SNX10: variants seen among roughly 807,000 people sequenced by gnomAD.
SNX10 encodes the protein sorting nexin-10.
Under a neutral mutation model 28.5 loss-of-function variants are expected in SNX10, and 25 were observed. That is an observed-to-expected ratio of 0.88 (90% confidence interval 0.64 to 1.22). SNX10 has a LOEUF of 1.22. Ranked by LOEUF, SNX10 falls within the 50% of genes most tolerant of loss-of-function variation. The pLI, the probability that SNX10 is intolerant of heterozygous loss-of-function variation, is 0.00. For missense variants in SNX10, 223 were observed against 242.6 expected, an observed-to-expected ratio of 0.92 and a Z score of 0.54; for synonymous variants, 62 against 81.4, an observed-to-expected ratio of 0.76 and a Z score of 1.28.
intron 2 of SNX10, chr7:26,360,376 C>T (rs1789019153): frequency 6.5e-6 from 1 of 152,804 alleles, no homozygotes; most frequent in African/African-American, 2.4e-5. Flanking sequence ...CCTCAGCCTC[C>T]TGAGTAGCTG....
intron 5 of SNX10, chr7:26,370,652 T>TGGTATTATAA (rs1789485239): frequency 1.3e-5 from 2 of 152,216 alleles, no homozygotes; most frequent in Non-Finnish European, 2.9e-5. Context: ...ACCTTGGATT[T>TGGTATTATAA]TCACTAAATT....
intron 1 of SNX10, among the ~76,000 whole-genome samples, chr7:26,311,636 A>G (rs1786856643): frequency 6.6e-6 from 1 of 152,100 alleles, no homozygotes; most frequent in African/African-American, 2.4e-5. Flanking sequence ...ATCTGGGAAC[A>G]TTTACATCTC....
chr7:26,348,287 A>G (rs1282469863), intron 2 of SNX10, among the ~76,000 whole-genome samples: 1 of 152,080 alleles, frequency 6.6e-6, no homozygotes, highest in Non-Finnish European at 1.5e-5. Context: ...TCCGGGAAAT[A>G]CCCGCCCATG....
chr7:26,305,504 T>C (rs1232102047), intron 1 of SNX10, among the ~76,000 whole-genome samples: 4 of 152,200 alleles, frequency 2.6e-5, no homozygotes, highest in Non-Finnish European at 4.4e-5. Context: ...GGTCACTGTC[T>C]GGATTAGGGG....
intron 1 of SNX10, among the ~76,000 whole-genome samples, chr7:26,344,316 C>T (rs1369939738): frequency 4.6e-5 from 7 of 151,954 alleles, no homozygotes; most frequent in Admixed American, 2.6e-4. Flanking sequence ...AGACCACGGG[C>T]GTGCCATGAC....
intron 1 of SNX10, among the ~76,000 whole-genome samples, chr7:26,299,968 T>C (rs1315370184): frequency 6.6e-6 from 1 of 151,934 alleles, no homozygotes; most frequent in Non-Finnish European, 1.5e-5. Flanking sequence ...CCCAGCACTT[T>C]GGGAGGCCGA....
chr7:26,297,060 A>C (rs1786138192), intron 1 of SNX10, among the ~76,000 whole-genome samples: 1 of 151,470 alleles, frequency 6.6e-6, no homozygotes, highest in African/African-American at 2.4e-5. Context: ...AAAATTATAA[A>C]TATTAAAATA....
intron 1 of SNX10, among the ~76,000 whole-genome samples, chr7:26,322,992 A>C (rs1787365309): frequency 6.6e-6 from 1 of 152,206 alleles, no homozygotes; most frequent in South Asian, 2.1e-4. Context: ...TCATGACTGT[A>C]ATCTCAGCAC....
intron 1 of SNX10, among the ~76,000 whole-genome samples, chr7:26,329,403 A>G (rs1177021879): frequency 6.6e-6 from 1 of 152,082 alleles, no homozygotes; most frequent in African/African-American, 2.4e-5. Context: ...GCCTTCCCTG[A>G]CCACCCACAT....
Position 26,351,646 on chromosome 7 carries a change from G to GTTTTTTTTTTTT in SNX10, c.24+5181_24+5192dup, listed in dbSNP as rs982361856. 8.6e-4 allele frequency among the ~76,000 whole-genome samples: 97 copies of GTTTTTTTTTTTT among 112,596 alleles called. 7 individuals carry two copies. The highest frequency in any genetic ancestry group is 2.0e-3 in the African/African-American group (63 of 30,788). 73.9% of individuals were successfully genotyped at this position (112,596 alleles called of 152,430 possible). A position where few individuals can be genotyped will look rare whatever the true frequency, so the allele number is the denominator to read the frequency against. ...AAAACTAAAGCAATCAAGCAGTCTG[G>GTTTTTTTTTTTT]TTTTTTTTTTTTGTTTTTTTTTTTT... is the stretch of plus-strand genomic sequence containing the variant. On this transcript the variant is annotated intron_variant, in intron 2 of 6. Transcript: ENST00000338523.
rs115642125 is a variant in SNX10, at chr7:26,338,945, A to C, written c.-23-7475A>C. Among the ~76,000 whole-genome samples, 933 of 152,320 alleles carry C rather than the reference A, an allele frequency of 6.1e-3. 10 individuals are homozygous for C. Among genetic ancestry groups the C allele is most frequent in the African/African-American group, 0.021 (874 of 41,566 alleles). ...TAAAGCATGGATCTTAGGTTTTGCA[A>C]TAACGATGTTATCCCCAGGAGCAAT... On this transcript the variant is annotated intron_variant, in intron 1 of 6. Transcript: ENST00000338523.
intron 6 of SNX10, 40 bp downstream of exon 6, chr7:26,372,073 A>G (rs770426725): frequency 2.3e-6 from 3 of 1,292,136 alleles, no homozygotes; most frequent in Non-Finnish European, 3.3e-6. Context: ...ATGTATTTAT[A>G]TAATACATAG....
intron 1 of SNX10, among the ~76,000 whole-genome samples, chr7:26,297,190 G>A (rs1296264829): frequency 6.6e-6 from 1 of 152,200 alleles, no homozygotes; most frequent in East Asian, 1.9e-4. Flanking sequence ...TCTGCCTCCT[G>A]GGTTCAATAA....
chr7:26,327,726 CTTTTTTTT>C (rs70943293), intron 1 of SNX10, among the ~76,000 whole-genome samples: 41 of 89,106 alleles, frequency 4.6e-4, no homozygotes, highest in African/African-American at 1.8e-3. Flanking sequence ...GCATTCTTTT[CTTTTTTTT>C]TTTTTTTTTT....
chr7:26,314,197 C>T (rs1786968847), intron 1 of SNX10, among the ~76,000 whole-genome samples: 1 of 151,972 alleles, frequency 6.6e-6, no homozygotes, highest in Non-Finnish European at 1.5e-5. Context: ...ACTGAAATGG[C>T]TTGTCTGTCA....
chr7:26,292,367 G>A (rs1440302537), intron 1 of SNX10, among the ~76,000 whole-genome samples: 1 of 152,174 alleles, frequency 6.6e-6, no homozygotes, highest in Non-Finnish European at 1.5e-5. Flanking sequence ...GGGAGAGGGT[G>A]GGGCAGAGGT....
intron 2 of SNX10, among the ~76,000 whole-genome samples, chr7:26,351,321 A>G (rs984542434): frequency 3.3e-5 from 5 of 152,214 alleles, no homozygotes; most frequent in Non-Finnish European, 7.3e-5. Context: ...GTTAACACCC[A>G]CAGTGATGTT....
chr7:26,372,450 A>G (rs193192616), intron 6 of SNX10, 41 bp from the exon 7 acceptor site: 555 of 1,311,908 alleles, frequency 4.2e-4, no homozygotes, highest in Admixed American at 1.1e-3. Flanking sequence ...GTGAAAACCA[A>G]TTTCCTCTTT....
rs1789629758 is a variant in SNX10 at position 26,372,952 on chromosome 7, T to C, written c.*380T>C. The C allele has an allele frequency of 5.1e-6, 1 of 194,912 alleles. No individual in the cohort carries two copies. 12.1% of individuals were successfully genotyped at this position (194,912 alleles called of 1,614,324 possible). A position where few individuals can be genotyped will look rare whatever the true frequency, so the allele number is the denominator to read the frequency against. On this transcript the variant is annotated 3_prime_UTR_variant, in exon 7 of 7. Transcript: ENST00000338523. The stretch of plus-strand genomic sequence containing the variant: ...ATTCCTTCTTGTATCAGTGGGGCAG[T>C]GTTACCATAAACACGGTGTATATGT...
Sources: allele counts gnomAD v4.1 joint callset (sites outside exome capture counted in the v4.1 genomes callset), GRCh38; gene constraint gnomAD v4.1.1; transcripts MANE v1.5; gene names NCBI Gene and HGNC (gene_info 2026-07-23, HGNC 2026-07-21).